The following ZNF69 variants were observed in gnomAD, a reference collection of about 807,000 sequenced individuals.
ZNF69 encodes the protein ZNF3.
A neutral mutation model predicts 50.9 loss-of-function variants in ZNF69; 47 were observed. The ratio of observed to expected loss-of-function variants is 0.92; its 90% CI spans 0.73 to 1.18. The LOEUF (loss-of-function observed/expected upper bound fraction) is 1.18. ZNF69 is among the 50% of genes most tolerant of loss of function. The probability of loss-of-function intolerance (pLI) is 0.00; values close to 1 mark genes in which losing one functional copy is unlikely to be tolerated. For missense variants in ZNF69, 717 were observed against 675.1 expected, an observed-to-expected ratio of 1.06 and a Z score of -0.69; for synonymous variants, 216 against 223.1, an observed-to-expected ratio of 0.97 and a Z score of 0.29.
the ZNF69 span, among the ~76,000 whole-genome samples, chr19:11,963,007 TATC>T: frequency 6.6e-6 from 1 of 151,802 alleles, no homozygotes; most frequent in South Asian, 2.1e-4. Flanking sequence ...GATGAGGAAA[TATC>T]ACCACCTGTT....
At chr19:11,898,549 C>A (rs1273922764) in intron 1 of ZNF69, among the ~76,000 whole-genome samples, 1 of 152,040 alleles carries the variant, frequency 6.6e-6, no homozygotes, top group Non-Finnish European at 1.5e-5. Context: ...CACCACCACA[C>A]CCAACTAATT....
exon 5 of ZNF69, chr19:11,914,136 T>A (rs1972498293): frequency 6.6e-6 from 1 of 152,066 alleles, no homozygotes; most frequent in Non-Finnish European, 1.5e-5. Flanking sequence ...ACCAATATGA[T>A]CAAACCCCGT....
At chr19:11,978,434 A>C in the ZNF69 span, 3 of 1,614,158 alleles carry the variant, frequency 1.9e-6, no homozygotes, top group Admixed American at 5.0e-5. Context: ...CCGGAGAGAA[A>C]CCCTATGCTT....
intron 1 of ZNF69, among the ~76,000 whole-genome samples, chr19:11,892,247 T>C (rs1263792165): frequency 1.3e-5 from 2 of 151,850 alleles, no homozygotes; most frequent in Non-Finnish European, 2.9e-5. Context: ...CCAAAAGTGC[T>C]GCGATCACAG....
chr19:11,979,116 GAT>G, the ZNF69 span: 6 of 1,613,320 alleles, frequency 3.7e-6, no homozygotes, highest in Non-Finnish European at 5.1e-6. Context: ...ATAAATGTTA[GAT>G]ATGTGGGAAA....
chr19:11,931,851 C>T, the ZNF69 span, among the ~76,000 whole-genome samples: 2 of 148,062 alleles, frequency 1.4e-5, no homozygotes, highest in Non-Finnish European at 2.9e-5. Context: ...CACGGTGGCT[C>T]GCGCCTATAA....
At chr19:11,925,119 C>T in the ZNF69 span, 2 of 1,505,362 alleles carry the variant, frequency 1.3e-6, no homozygotes, top group Non-Finnish European at 1.8e-6. Flanking sequence ...TCACCTTCCT[C>T]GCTGCGCGGG....
the ZNF69 span, among the ~76,000 whole-genome samples, chr19:11,970,846 G>A: frequency 6.6e-6 from 1 of 152,060 alleles, no homozygotes; most frequent in African/African-American, 2.4e-5. Flanking sequence ...CAGGAGAATC[G>A]CTTGAACCTG....
the ZNF69 span, among the ~76,000 whole-genome samples, chr19:11,964,569 G>A: frequency 7.9e-5 from 12 of 152,148 alleles, no homozygotes; most frequent in East Asian, 1.9e-3. Flanking sequence ...GGGGATGGGG[G>A]TGTGTGAGCA....
At chr19:11,955,000 T>A in the ZNF69 span, among the ~76,000 whole-genome samples, 1 of 123,180 alleles carries the variant, frequency 8.1e-6, no homozygotes, top group African/African-American at 4.2e-5. Context: ...AAAAAAATTT[T>A]TTTTTTTTTT....
the ZNF69 span, among the ~76,000 whole-genome samples, chr19:11,959,102 G>T: frequency 2.8e-4 from 42 of 152,170 alleles, no homozygotes; most frequent in African/African-American, 8.9e-4. Flanking sequence ...GACCAGGCTG[G>T]TCTCAAAGTC....
At chr19:11,974,341 C>T in the ZNF69 span, among the ~76,000 whole-genome samples, 4 of 151,044 alleles carry the variant, frequency 2.6e-5, no homozygotes, top group Non-Finnish European at 5.9e-5. Flanking sequence ...GGATTACAGG[C>T]GTGGTCCTCC....
downstream of ZNF69, among the ~76,000 whole-genome samples, chr19:11,917,260 C>A (rs1284888481): frequency 1.3e-5 from 2 of 152,082 alleles, no homozygotes; most frequent in Non-Finnish European, 2.9e-5. Flanking sequence ...TGATGTCAGG[C>A]AAAAAGACAG....
At chr19:11,946,944 C>T in the ZNF69 span, 35,928 of 739,272 alleles carry the variant, frequency 0.049, 1,952 homozygotes, top group African/African-American at 0.23. Flanking sequence ...GCCAATATCA[C>T]GCCATTGTAC....
chr19:11,891,794 T>C (rs1977095179), intron 1 of ZNF69, among the ~76,000 whole-genome samples: 1 of 152,272 alleles, frequency 6.6e-6, no homozygotes, highest in South Asian at 2.1e-4. Flanking sequence ...TGGGAAACTT[T>C]ATGATCATGG....
the ZNF69 span, among the ~76,000 whole-genome samples, chr19:11,955,057 T>C: frequency 6.9e-6 from 1 of 145,946 alleles, no homozygotes; most frequent in African/African-American, 2.5e-5. Flanking sequence ...CAGGCTGGAA[T>C]GCAATGGCTC....
Position 11,887,806 on chromosome 19 carries a change from G to A in ZNF69, c.-118G>A. On this transcript the variant is annotated 5_prime_UTR_variant, in exon 1 of 4. Transcript: ENST00000429654. ...CACTGTTCCTCCAGACACTGAGGGG[G>A]TCGCATTCCTTACCTCACCTTTGTC... The A allele has an allele frequency of 1.3e-6, 1 of 766,524 alleles. No homozygotes were observed. The highest frequency in any genetic ancestry group is 2.1e-6 in the Non-Finnish European group (1 of 474,016). 47.5% of individuals were successfully genotyped at this position (766,524 alleles called of 1,614,324 possible).
At chr19:11,974,026 C>G in the ZNF69 span, among the ~76,000 whole-genome samples, 1 of 152,066 alleles carries the variant, frequency 6.6e-6, no homozygotes, top group East Asian at 1.9e-4. Context: ...CAGGTGTTTG[C>G]TGGTGCCTCA....
chr19:11,951,290 G>T, the ZNF69 span, among the ~76,000 whole-genome samples: 8 of 146,518 alleles, frequency 5.5e-5, no homozygotes, highest in African/African-American at 1.8e-4. Context: ...GTGCAGTGGC[G>T]CAGTCTCAGC....
Sources: allele counts gnomAD v4.1 joint callset (sites outside exome capture counted in the v4.1 genomes callset), GRCh38; gene constraint gnomAD v4.1.1; transcripts MANE v1.5; gene names NCBI Gene and HGNC (gene_info 2026-07-23, HGNC 2026-07-21).